Variants in MARCHF10 observed in about 807,000 individuals in gnomAD.
The protein encoded by MARCHF10 is probable E3 ubiquitin-protein ligase MARCHF10.
In MARCHF10, 64 loss-of-function variants were observed where a neutral mutation model predicts 76.2. The ratio of observed to expected loss-of-function variants is 0.84; its 90% CI spans 0.69 to 1.03. The LOEUF is 1.03. Among genes scored for constraint, MARCHF10 ranks in the 50% least tolerant of loss-of-function variants. The pLI is 0.00. For synonymous variants in MARCHF10, 340 were observed against 357.5 expected (o/e 0.95, Z 0.55); for missense variants, 875 against 958.0 (o/e 0.91, Z 1.14).
intron 2 of MARCHF10, among the ~76,000 whole-genome samples, chr17:62,798,772 G>T (rs1013513173): frequency 6.6e-6 from 1 of 152,206 alleles, no homozygotes; most frequent in African/African-American, 2.4e-5. Flanking sequence ...TCTTAAGATG[G>T]GAGAGACTTA....
chr17:62,718,636 C>A (rs983453793), intron 8 of MARCHF10, among the ~76,000 whole-genome samples: 1 of 152,150 alleles, frequency 6.6e-6, no homozygotes, highest in Non-Finnish European at 1.5e-5. Flanking sequence ...CTGTCGGCAC[C>A]CTGACTGGCA....
intron 2 of MARCHF10, among the ~76,000 whole-genome samples, chr17:62,792,832 C>T (rs1182034061): frequency 7.1e-6 from 1 of 140,550 alleles, no homozygotes; most frequent in Admixed American, 7.1e-5. Flanking sequence ...ACCTCCACTG[C>T]CACCACCACC....
At chr17:62,755,567 A>G (rs566714221) in intron 4 of MARCHF10, among the ~76,000 whole-genome samples, 1 of 152,270 alleles carries the variant, frequency 6.6e-6, no homozygotes, top group African/African-American at 2.4e-5. Flanking sequence ...AACTAAGAAC[A>G]TGTAACTCCA....
chr17:62,704,040 T>C (rs1335519263), intron 10 of MARCHF10, among the ~76,000 whole-genome samples: 6 of 151,292 alleles, frequency 4.0e-5, no homozygotes, highest in Non-Finnish European at 7.4e-5. Flanking sequence ...GGGGCGGGGC[T>C]GGGGAGGGGG....
At position 62,736,166 on chromosome 17, in the gene MARCHF10, C is replaced by T. The variant is rs891701043; in HGVS notation, c.1702G>A (p.Gly568Ser). 3.5e-5 allele frequency: 56 copies of T among 1,614,098 alleles called. No homozygotes were observed. The highest frequency in any genetic ancestry group is 4.7e-5 in the Non-Finnish European group (56 of 1,180,022). The change falls in exon 6 of 11, where the codon GGC becomes AGC. Residue 568 changes from glycine (G) to serine (S), a missense_variant. Physicochemically the swap from Gly to Ser is moderately conservative, Grantham distance 56 (BLOSUM62 0). Coordinates refer to ENST00000311269, the MANE Select transcript of MARCHF10 (RefSeq NM_152598.4). The part of the protein sequence containing the change: ...LYTDLLLNPQ[G>S]NLSLVDSSSS... ...GAAGAATCCACTAAGGACAAATTGC[C>T]CTGTGGATTTAGTAAGAGATCTGTA...
rs1228436144 is a variant in MARCHF10, at chr17:62,736,135, G to A, written c.1733C>T (p.Ser578Phe). The change falls in exon 6 of 11, where the codon TCC becomes TTC. Residue 578 changes from serine (S) to phenylalanine (F), a missense_variant. Transcript: ENST00000311269. ...GNLSLVDSSS[S>F]SPSRMNSEGH... The stretch of plus-strand genomic sequence containing the variant: ...TTCTGAGTTCATTCTTGATGGAGAG[G>A]AGCTGGAAGAATCCACTAAGGACAA... 8 of 1,614,176 alleles carry A rather than the reference G, an allele frequency of 5.0e-6. No homozygotes were observed. The highest frequency in any genetic ancestry group is 6.8e-6 in the Non-Finnish European group (8 of 1,180,036).
At chr17:62,710,172 T>C (rs960253858) in intron 9 of MARCHF10, among the ~76,000 whole-genome samples, 1 of 152,214 alleles carries the variant, frequency 6.6e-6, no homozygotes, top group Non-Finnish European at 1.5e-5. Flanking sequence ...TTGCTTGCAT[T>C]GGCTCACTGC....
intron 3 of MARCHF10, among the ~76,000 whole-genome samples, chr17:62,776,993 TA>T (rs778184355): frequency 2.0e-5 from 3 of 152,204 alleles, no homozygotes; most frequent in East Asian, 3.9e-4. Flanking sequence ...CATAACTGAC[TA>T]ATCTTCTAGC....
intron 4 of MARCHF10, among the ~76,000 whole-genome samples, chr17:62,751,108 C>T (rs754425884): frequency 1.3e-5 from 2 of 152,190 alleles, no homozygotes; most frequent in Admixed American, 6.5e-5. Flanking sequence ...AGAGATGTCT[C>T]GTTGAAGCTG....
chr17:62,753,888 C>G (rs994516385), intron 4 of MARCHF10, among the ~76,000 whole-genome samples: 1 of 152,116 alleles, frequency 6.6e-6, no homozygotes, highest in African/African-American at 2.4e-5. Flanking sequence ...CAGGTAAATA[C>G]GTATAAATGA....
chr17:62,730,462 T>A (rs1337092916), intron 6 of MARCHF10, among the ~76,000 whole-genome samples: 1 of 152,240 alleles, frequency 6.6e-6, no homozygotes, highest in Non-Finnish European at 1.5e-5. Flanking sequence ...TAAGTATAGC[T>A]ACCATGTATT....
intron 7 of MARCHF10, among the ~76,000 whole-genome samples, chr17:62,723,559 C>T (rs1397519690): frequency 4.4e-4 from 35 of 80,348 alleles, no homozygotes; most frequent in African/African-American, 9.8e-4. Flanking sequence ...GTTCGCTTGA[C>T]TTTTTTTTTT....
chr17:62,801,803 T>C, intron 1 of MARCHF10, 51 bp from the exon 2 acceptor site: 2 of 1,281,446 alleles, frequency 1.6e-6, no homozygotes, highest in Non-Finnish European at 1.1e-6. Context: ...TTTGTCGTGA[T>C]GCCGTATTTG....
chr17:62,705,021 C>G, intron 10 of MARCHF10: 1 of 990,946 alleles, frequency 1.0e-6, no homozygotes, highest in Middle Eastern at 5.1e-4. Flanking sequence ...AGCCGTCTTG[C>G]CCGCTTTGAG....
intron 2 of MARCHF10, among the ~76,000 whole-genome samples, chr17:62,799,947 A>G (rs1385396773): frequency 6.6e-6 from 1 of 152,030 alleles, no homozygotes; most frequent in Non-Finnish European, 1.5e-5. Context: ...TCTTTCCCAT[A>G]ATTCACCTCA....
At chr17:62,752,682 C>T (rs1343655111) in intron 4 of MARCHF10, among the ~76,000 whole-genome samples, 2 of 150,712 alleles carry the variant, frequency 1.3e-5, no homozygotes, top group Non-Finnish European at 2.9e-5. Flanking sequence ...GTTGACCAGA[C>T]TGGTCTTGAA....
At chr17:62,795,558 A>G (rs761700504) in intron 2 of MARCHF10, among the ~76,000 whole-genome samples, 1 of 152,162 alleles carries the variant, frequency 6.6e-6, no homozygotes, top group Non-Finnish European at 1.5e-5. Context: ...TAGTATCAAA[A>G]TAACTCAGGG....
At chr17:62,702,124 G>C (rs1210500245) in intron 10 of MARCHF10, among the ~76,000 whole-genome samples, 1 of 152,168 alleles carries the variant, frequency 6.6e-6, no homozygotes, top group Non-Finnish European at 1.5e-5. Context: ...GCAGGGAAGG[G>C]GGAACGGACC....
chr17:62,775,771 T>C (rs2092543042), intron 3 of MARCHF10, among the ~76,000 whole-genome samples: 1 of 152,154 alleles, frequency 6.6e-6, no homozygotes, highest in African/African-American at 2.4e-5. Flanking sequence ...TCTCACAATT[T>C]AAAAATTTTA....
Sources: gnomAD v4.1 joint callset for allele counts (sites outside exome capture counted in the v4.1 genomes callset) on GRCh38, gnomAD v4.1.1 for gene constraint, MANE v1.5 for transcripts, NCBI Gene and HGNC (gene_info 2026-07-23, HGNC 2026-07-21) for gene names.